The following TMCC1 variants were observed in gnomAD, a reference collection of about 807,000 sequenced individuals.
TMCC1 encodes transmembrane and coiled-coil domain family 1, also known as transmembrane and coiled-coil domains protein 1.
A neutral mutation model predicts 52.4 loss-of-function variants in TMCC1; 15 were observed. The observed-to-expected ratio is 0.29, with a 90% CI of 0.19 to 0.44. The LOEUF is 0.44. Ranked by LOEUF, TMCC1 falls within the 20% of genes least tolerant of loss-of-function variation. The pLI, the probability that TMCC1 is intolerant of heterozygous loss-of-function variation, is 1.00. For missense variants in TMCC1, 503 were observed against 806.0 expected (o/e 0.62, Z 4.55); for synonymous variants, 279 against 301.9 (o/e 0.92, Z 0.79).
chr3:129,739,016 C>A (rs1011851039), intron 4 of TMCC1, among the ~76,000 whole-genome samples: 1 of 152,032 alleles, frequency 6.6e-6, no homozygotes, highest in Non-Finnish European at 1.5e-5. Flanking sequence ...GGGGTTTTGC[C>A]ATGTTGCCCA....
chr3:129,666,380 A>C (rs2087453576), intron 5 of TMCC1, among the ~76,000 whole-genome samples: 1 of 152,248 alleles, frequency 6.6e-6, no homozygotes, highest in Non-Finnish European at 1.5e-5. Flanking sequence ...GATTCAGTGT[A>C]CTTTGTAAAA....
rs2087823796 is a variant in TMCC1 at position 129,670,377 on chromosome 3, C to T, written c.1464G>A (p.Gln488=). ...ESFETLKEHY[Q]RDYSLIMQTL... is the part of the protein sequence containing the mutation. ...TCTGCATTATTAAGGAATAGTCCCT[C>T]TGATAATGTTCCTTGAGAGTCTCAA... is the stretch of plus-strand genomic sequence containing the variant. The change falls in exon 5 of 7, where the codon CAG becomes CAA. Residue 488 remains glutamine (Q), a synonymous_variant. Transcript: ENST00000393238. 6.2e-7 allele frequency: 1 copy of T among 1,614,082 alleles called. No homozygotes were observed. Among genetic ancestry groups the T allele is most frequent in the Admixed American group, 1.7e-5 (1 of 60,006 alleles).
chr3:129,711,401 C>T (rs897937827), intron 4 of TMCC1, among the ~76,000 whole-genome samples: 4 of 152,130 alleles, frequency 2.6e-5, no homozygotes, highest in African/African-American at 7.2e-5. Flanking sequence ...CATATTACAA[C>T]TTACTAATTA....
chr3:129,728,652 T>C (rs1271183351), intron 4 of TMCC1, among the ~76,000 whole-genome samples: 3 of 152,178 alleles, frequency 2.0e-5, no homozygotes, highest in African/African-American at 7.2e-5. Flanking sequence ...TACAGTTCTA[T>C]GAATTTTAAA....
intron 4 of TMCC1, among the ~76,000 whole-genome samples, chr3:129,685,072 T>C (rs2089301660): frequency 6.6e-6 from 1 of 151,908 alleles, no homozygotes; most frequent in Admixed American, 6.6e-5. Flanking sequence ...GAGGGAAGCA[T>C]GTATTAAAAG....
intron 4 of TMCC1, among the ~76,000 whole-genome samples, chr3:129,795,068 T>C (rs1166953833): frequency 3.3e-5 from 5 of 152,214 alleles, no homozygotes; most frequent in Non-Finnish European, 2.9e-5. Flanking sequence ...GGAGGGGTCC[T>C]GCCTCAGGAA....
chr3:129,800,834 T>A (rs1459623486), intron 4 of TMCC1, among the ~76,000 whole-genome samples: 1 of 152,164 alleles, frequency 6.6e-6, no homozygotes, highest in Non-Finnish European at 1.5e-5. Context: ...TTTCACTATG[T>A]TGCAAAGAAC....
intron 1 of TMCC1, among the ~76,000 whole-genome samples, chr3:129,889,912 T>C (rs1285831012): frequency 7.3e-6 from 1 of 136,156 alleles, no homozygotes; most frequent in Non-Finnish European, 1.5e-5. Flanking sequence ...TACTTCAGAG[T>C]AGCAAAGTTA....
At chr3:129,779,322 TTTC>T (rs1428940907) in intron 4 of TMCC1, among the ~76,000 whole-genome samples, 9 of 151,400 alleles carry the variant, frequency 5.9e-5, no homozygotes, top group Non-Finnish European at 1.2e-4. Context: ...GCCAAGGTAA[TTTC>T]TTAAGATCAT....
intron 1 of TMCC1, among the ~76,000 whole-genome samples, chr3:129,883,156 C>T (rs1577215803): frequency 6.8e-6 from 1 of 146,810 alleles, no homozygotes; most frequent in Non-Finnish European, 1.5e-5. Flanking sequence ...CACACACACA[C>T]ACAAAATTAG....
At chr3:129,803,854 T>C (rs1174850741) in intron 4 of TMCC1, among the ~76,000 whole-genome samples, 1 of 152,156 alleles carries the variant, frequency 6.6e-6, no homozygotes, top group Non-Finnish European at 1.5e-5. Context: ...ATATAATCAA[T>C]TTCTTAGTCC....
intron 4 of TMCC1, among the ~76,000 whole-genome samples, chr3:129,733,647 T>C (rs911486961): frequency 5.9e-5 from 9 of 152,328 alleles, no homozygotes; most frequent in African/African-American, 2.2e-4. Context: ...CCCAAAGTTA[T>C]TCTTGTATAG....
chr3:129,865,023 T>A (rs2717246), intron 2 of TMCC1, among the ~76,000 whole-genome samples: 1 of 152,130 alleles, frequency 6.6e-6, no homozygotes, highest in Non-Finnish European at 1.5e-5. Flanking sequence ...GGAGACTTTG[T>A]TCTAGGTAGG....
chr3:129,882,925 G>C (rs1449073826), intron 1 of TMCC1, among the ~76,000 whole-genome samples: 3 of 152,146 alleles, frequency 2.0e-5, no homozygotes, highest in African/African-American at 7.2e-5. Context: ...AGGAGTAATG[G>C]AGATGGATGA....
chr3:129,721,522 C>A (rs2049582756), intron 4 of TMCC1, among the ~76,000 whole-genome samples: 1 of 151,832 alleles, frequency 6.6e-6, no homozygotes, highest in Non-Finnish European at 1.5e-5. Context: ...TTCTCAAATC[C>A]TGCCTTCAAA....
chr3:129,709,354 C>T (rs1244771265), intron 4 of TMCC1, among the ~76,000 whole-genome samples: 1 of 151,038 alleles, frequency 6.6e-6, no homozygotes, highest in Non-Finnish European at 1.5e-5. Context: ...TGTATGCCTA[C>T]AGTCCCACCT....
chr3:129,746,787 T>C (rs1208127892), intron 4 of TMCC1, among the ~76,000 whole-genome samples: 2 of 152,214 alleles, frequency 1.3e-5, no homozygotes, highest in Non-Finnish European at 2.9e-5. Context: ...GAGTCTGTTG[T>C]GTTCAGTATT....
intron 1 of TMCC1, among the ~76,000 whole-genome samples, chr3:129,890,529 A>T (rs1250291506): frequency 6.6e-6 from 1 of 152,244 alleles, no homozygotes; most frequent in East Asian, 1.9e-4. Context: ...ATGAGCATGT[A>T]TTAATGTAAT....
chr3:129,782,057 G>A (rs1300229232), intron 4 of TMCC1, among the ~76,000 whole-genome samples: 1 of 152,104 alleles, frequency 6.6e-6, no homozygotes, highest in African/African-American at 2.4e-5. Context: ...GAGGAGAAAT[G>A]ATACCAAAAG....
Sources: allele counts gnomAD v4.1 joint callset (sites outside exome capture counted in the v4.1 genomes callset), GRCh38; gene constraint gnomAD v4.1.1; transcripts MANE v1.5; gene names NCBI Gene and HGNC (gene_info 2026-07-23, HGNC 2026-07-21).